WWOX: variants seen among roughly 807,000 people sequenced by gnomAD.
WWOX encodes WW domain-containing oxidoreductase.
WWOX carries 69 observed loss-of-function variants against 46.2 expected under a neutral mutation model. The ratio of observed to expected loss-of-function variants is 1.49; its 90% CI spans 1.23 to 1.82. The LOEUF (loss-of-function observed/expected upper bound fraction) is 1.82, where lower values mean the gene tolerates loss of function less well. Ranked by LOEUF, WWOX falls within the 40% of genes most tolerant of loss-of-function variation. The pLI, the probability that WWOX is intolerant of heterozygous loss-of-function variation, is 0.00. For synonymous variants in WWOX, 359 were observed against 202.6 expected (o/e 1.77, Z -6.56); for missense variants, 919 against 542.6 (o/e 1.69, Z -6.89).
chr16:78,904,909 A>G (rs1437011200), intron 8 of WWOX, among the ~76,000 whole-genome samples: 3 of 152,152 alleles, frequency 2.0e-5, no homozygotes, highest in Non-Finnish European at 2.9e-5. Context: ...TTGGTATTAC[A>G]TTCCTTTTCC....
At chr16:78,957,585 A>G (rs547123955) in intron 8 of WWOX, among the ~76,000 whole-genome samples, 2 of 152,310 alleles carry the variant, frequency 1.3e-5, no homozygotes, top group Non-Finnish European at 2.9e-5. Flanking sequence ...CCCGTGATTC[A>G]TAACTCAGTC....
intron 8 of WWOX, among the ~76,000 whole-genome samples, chr16:79,028,238 C>A (rs546057348): frequency 0.019 from 2,854 of 151,902 alleles, 52 homozygotes; most frequent in Non-Finnish European, 0.026. Context: ...CGTGAGCCAC[C>A]ACGCCCGACT....
intron 8 of WWOX, among the ~76,000 whole-genome samples, chr16:78,998,222 G>T (rs1290168105): frequency 6.6e-6 from 1 of 152,126 alleles, no homozygotes; most frequent in African/African-American, 2.4e-5. Context: ...AGTAAAATGG[G>T]GACGTTTTTC....
intron 8 of WWOX, among the ~76,000 whole-genome samples, chr16:78,530,456 G>T (rs1037447039): frequency 1.3e-5 from 2 of 152,200 alleles, no homozygotes; most frequent in African/African-American, 4.8e-5. Context: ...TTCCCCTGGA[G>T]CTATGCCATC....
At chr16:78,684,285 G>A (rs1310281145) in intron 8 of WWOX, among the ~76,000 whole-genome samples, 1 of 152,168 alleles carries the variant, frequency 6.6e-6, no homozygotes, top group African/African-American at 2.4e-5. Context: ...GGTCTGTCCA[G>A]GTGTACTCAG....
chr16:78,648,522 A>C (rs1226086787), intron 8 of WWOX, among the ~76,000 whole-genome samples: 1 of 152,182 alleles, frequency 6.6e-6, no homozygotes, highest in African/African-American at 2.4e-5. Flanking sequence ...GCCGACCCAC[A>C]AGCTCTGGAG....
chr16:79,132,436 C>T (rs1173864492), intron 8 of WWOX, among the ~76,000 whole-genome samples: 5 of 152,118 alleles, frequency 3.3e-5, no homozygotes, highest in Non-Finnish European at 7.3e-5. Context: ...GCCAGTGTTA[C>T]AGAAATAGTG....
intron 8 of WWOX, among the ~76,000 whole-genome samples, chr16:79,090,795 G>A (rs1029508498): frequency 1.3e-5 from 2 of 152,154 alleles, no homozygotes; most frequent in African/African-American, 4.8e-5. Flanking sequence ...TTGGTTTTTA[G>A]AAAGACTCTG....
chr16:78,100,600 G>A (rs1425416225), intron 1 of WWOX, among the ~76,000 whole-genome samples: 1 of 152,138 alleles, frequency 6.6e-6, no homozygotes, highest in Non-Finnish European at 1.5e-5. Flanking sequence ...TCATTTCCTG[G>A]GAAAGTTTTG....
chr16:78,452,477 T>C (rs1038389010), intron 8 of WWOX, among the ~76,000 whole-genome samples: 31 of 126,146 alleles, frequency 2.5e-4, no homozygotes, highest in East Asian at 4.9e-4. Flanking sequence ...CTCTCTCTCT[T>C]TTTTTTTTTT....
intron 8 of WWOX, among the ~76,000 whole-genome samples, chr16:78,438,006 C>G (rs976681700): frequency 6.6e-6 from 1 of 151,962 alleles, no homozygotes; most frequent in Non-Finnish European, 1.5e-5. Flanking sequence ...TTCACAAAAC[C>G]AGGTGTTGTA....
At chr16:78,905,817 G>C (rs1383500313) in intron 8 of WWOX, among the ~76,000 whole-genome samples, 1 of 152,150 alleles carries the variant, frequency 6.6e-6, no homozygotes, top group Non-Finnish European at 1.5e-5. Flanking sequence ...AGCTAAGGGG[G>C]AATCTGGATT....
At chr16:78,254,432 A>G (rs2038068488) in intron 5 of WWOX, among the ~76,000 whole-genome samples, 1 of 142,574 alleles carries the variant, frequency 7.0e-6, no homozygotes, top group Non-Finnish European at 1.5e-5. Flanking sequence ...ACCCCAGAAA[A>G]TCCATGTTAT....
intron 5 of WWOX, among the ~76,000 whole-genome samples, chr16:78,329,882 G>A (rs1286768168): frequency 1.3e-5 from 2 of 151,846 alleles, no homozygotes; most frequent in African/African-American, 4.8e-5. Context: ...AAGTAGCTGG[G>A]ACTACAGGCG....
At chr16:78,199,999 A>G (rs1293761485) in intron 5 of WWOX, among the ~76,000 whole-genome samples, 3 of 152,238 alleles carry the variant, frequency 2.0e-5, no homozygotes, top group Non-Finnish European at 4.4e-5. Flanking sequence ...AGTAGAAATC[A>G]CCAAGGACCT....
chr16:78,125,660 G>A (rs778467017), intron 4 of WWOX, among the ~76,000 whole-genome samples: 1 of 152,092 alleles, frequency 6.6e-6, no homozygotes, highest in South Asian at 2.1e-4. Flanking sequence ...TCAGGGGTTC[G>A]AGAGCAGCCT....
intron 8 of WWOX, among the ~76,000 whole-genome samples, chr16:79,022,203 G>A (rs1388947024): frequency 2.6e-5 from 4 of 152,186 alleles, no homozygotes; most frequent in African/African-American, 7.2e-5. Context: ...AAAGACTGGG[G>A]ATGGAGCTTT....
chr16:78,486,269 T>A (rs529595196), intron 8 of WWOX, among the ~76,000 whole-genome samples: 1 of 152,334 alleles, frequency 6.6e-6, no homozygotes, highest in East Asian at 1.9e-4. Context: ...TGTAGTCCCA[T>A]ACCATTTTAT....
chr16:78,888,921 C>G (rs887233227), intron 8 of WWOX, among the ~76,000 whole-genome samples: 4 of 151,728 alleles, frequency 2.6e-5, no homozygotes, highest in African/African-American at 9.7e-5. Context: ...CAATTTCAAG[C>G]TTCTCCTTTT....
Sources: gnomAD v4.1 joint callset for allele counts (sites outside exome capture counted in the v4.1 genomes callset) on GRCh38, gnomAD v4.1.1 for gene constraint, MANE v1.5 for transcripts, NCBI Gene and HGNC (gene_info 2026-07-23, HGNC 2026-07-21) for gene names.